The following RPLP1 variants were observed in gnomAD, a reference collection of about 807,000 sequenced individuals.
RPLP1 encodes the protein large ribosomal subunit protein P1.
RPLP1 carries 4 observed loss-of-function variants against 11.6 expected under a neutral mutation model. That is an observed-to-expected ratio of 0.34 (90% CI 0.17 to 0.79). The LOEUF (loss-of-function observed/expected upper bound fraction) is 0.79, where lower values mean the gene tolerates loss of function less well. Among genes scored for constraint, RPLP1 ranks in the 30% least tolerant of loss-of-function variants. The pLI, the probability that RPLP1 is intolerant of heterozygous loss-of-function variation, is 0.55. For synonymous variants in RPLP1, 54 were observed against 52.2 expected (o/e 1.03, Z -0.15); for missense variants, 133 against 142.8 (o/e 0.93, Z 0.35).
chr15:69,453,537 A>G (rs1286955802), intron 1 of RPLP1, 110 bp from the exon 2 acceptor site: 2 of 1,188,454 alleles, frequency 1.7e-6, no homozygotes, highest in Non-Finnish European at 2.5e-6. Context: ...CTTGTGATAG[A>G]ATATTTGAGC....
At position 69,453,003 on chromosome 15, in the gene RPLP1, G is replaced by T; in HGVS notation, c.55G>T (p.Asp19Tyr). The T allele has an allele frequency of 6.4e-7, 1 of 1,574,390 alleles. No homozygotes were observed. The change falls in exon 1 of 4, where the codon GAT (aspartate) becomes TAT (tyrosine). Residue 19 changes from aspartate to tyrosine, a missense_variant. Physicochemically the swap from Asp to Tyr is radical, Grantham distance 160. Coordinates refer to ENST00000260379, the MANE Select transcript of RPLP1 (RefSeq NM_001003.3). ...CTACTCGGCCCTCATTCTGCACGAC[G>T]ATGAGGTGACAGTCACGGTGAGTGC... ...CIYSALILHD[D>Y]EVTVTEDKIN...
Position 69,452,874 on chromosome 15 carries a change from G to T in RPLP1, c.-75G>T. 2.2e-6 allele frequency: 3 copies of T among 1,370,984 alleles called. No individual in the cohort carries two copies. Among genetic ancestry groups the T allele is most frequent in the Non-Finnish European group, 3.0e-6 (3 of 992,174 alleles). 84.9% of individuals were successfully genotyped at this position (1,370,984 alleles called of 1,614,324 possible). A position where few individuals can be genotyped will look rare whatever the true frequency, so the allele number is the denominator to read the frequency against. On this transcript the variant is annotated 5_prime_UTR_variant, in exon 1 of 4. Coordinates refer to ENST00000260379, the MANE Select transcript of RPLP1 (RefSeq NM_001003.3). The stretch of plus-strand genomic sequence containing the variant: ...GTCCTTCCGAGGAAGCTAAGGCTGC[G>T]TTGGGGTGAGGCCCTCACTTCATCC...
chr15:69,455,069 T>A (rs1290744664), intron 2 of RPLP1, 101 bp from the exon 3 acceptor site: 2 of 1,478,254 alleles, frequency 1.4e-6, no homozygotes, highest in Non-Finnish European at 1.8e-6. Context: ...TAGGGGTTGA[T>A]CACTGTAACC....
intron 2 of RPLP1, chr15:69,454,614 A>G (rs1892406899): frequency 6.6e-6 from 1 of 152,190 alleles, no homozygotes; most frequent in Non-Finnish European, 1.5e-5. Context: ...GCCCCTTTTG[A>G]AGTCCTATAT....
intron 1 of RPLP1, 75 bp downstream of exon 1, chr15:69,453,095 C>T (rs1163876204): frequency 7.4e-7 from 1 of 1,360,542 alleles, no homozygotes; most frequent in Admixed American, 2.0e-5. Flanking sequence ...GTTCCCGGCT[C>T]CAGGCCGTTC....
At chr15:69,453,411 C>T (rs1173982527) in intron 1 of RPLP1, 3 of 593,672 alleles carry the variant, frequency 5.1e-6, no homozygotes. Context: ...GAGCTCGGCT[C>T]CACCTCCCAG....
At chr15:69,453,167 C>A (rs376905653) in intron 1 of RPLP1, 147 bp downstream of exon 1, 2 of 749,000 alleles carry the variant, frequency 2.7e-6, no homozygotes, top group African/African-American at 1.7e-5. Context: ...GGGCGCTCCT[C>A]GGGGCTGGGG....
At chr15:69,453,774 C>T (rs370025235) in intron 2 of RPLP1, 53 bp downstream of exon 2, 1 of 1,587,100 alleles carries the variant, frequency 6.3e-7, no homozygotes, top group Non-Finnish European at 8.7e-7. Flanking sequence ...TTTACGAGGG[C>T]AGTTGTACAT....
At chr15:69,455,149 A>G (rs371578731) in intron 2 of RPLP1, 21 bp from the exon 3 acceptor site, 11 of 1,546,156 alleles carry the variant, frequency 7.1e-6, no homozygotes, top group Non-Finnish European at 9.6e-6. Flanking sequence ...GCGTTTACCT[A>G]TGCATGCACA....
chr15:69,455,156 C>T lies in RPLP1; in HGVS notation c.148-14C>T, dbSNP rs765245112. On this transcript the variant is annotated splice_polypyrimidine_tract_variant and intron_variant, in intron 2 of 3. Coordinates refer to ENST00000260379, the MANE Select transcript of RPLP1 (RefSeq NM_001003.3). The stretch of plus-strand genomic sequence containing the variant: ...AGAACTGGGCGTTTACCTATGCATG[C>T]ACATGTATTGCAGGCCCTGGCCAAC... 6.4e-7 allele frequency: 1 copy of T among 1,557,398 alleles called. No individual in the cohort carries two copies. Among genetic ancestry groups the T allele is most frequent in the South Asian group, 1.2e-5 (1 of 81,646 alleles).
rs1892427416 is a variant in RPLP1 at position 69,455,796 on chromosome 15, T to C, written c.*289T>C. On this transcript the variant is annotated 3_prime_UTR_variant, in exon 4 of 4. Coordinates refer to ENST00000260379, the MANE Select transcript of RPLP1 (RefSeq NM_001003.3). ...GTCCAGGTTACCTGTGTAAACTTGA[T>C]GATTATAAGGTGTGTCCCCTACACT... 1 of 398,942 alleles carries C rather than the reference T, an allele frequency of 2.5e-6. No homozygotes were observed. Among genetic ancestry groups the C allele is most frequent in the African/African-American group, 2.0e-5 (1 of 49,642 alleles). The allele number at this position is 398,942 out of a possible 1,614,324, so 24.7% of individuals were successfully genotyped here.
rs1466112874 is a variant in RPLP1 at position 69,455,712 on chromosome 15, T to C, written c.*205T>C. On this transcript the variant is annotated 3_prime_UTR_variant, in exon 4 of 4. Coordinates refer to ENST00000260379, the MANE Select transcript of RPLP1 (RefSeq NM_001003.3). The stretch of plus-strand genomic sequence containing the variant: ...CTGATGCTAACAAGAAGGCACCTCA[T>C]GGTACAGTGTTGAAAACTGCACTGG... 1.7e-6 allele frequency: 1 copy of C among 574,232 alleles called. No individual in the cohort carries two copies. Among genetic ancestry groups the C allele is most frequent in the Non-Finnish European group, 3.1e-6 (1 of 325,654 alleles). 35.6% of individuals were successfully genotyped at this position (574,232 alleles called of 1,614,324 possible).
chr15:69,453,323 GTC>G (rs553656691), intron 1 of RPLP1: 5 of 573,372 alleles, frequency 8.7e-6, no homozygotes, highest in Non-Finnish European at 1.5e-5. Flanking sequence ...CCCGTGCCTC[GTC>G]TCTCTCAGGG....
intron 1 of RPLP1, 85 bp downstream of exon 1, chr15:69,453,105 C>T: frequency 3.2e-6 from 4 of 1,255,462 alleles, no homozygotes; most frequent in Non-Finnish European, 4.5e-6. Context: ...CCAGGCCGTT[C>T]GACTGAGCAC....
intron 1 of RPLP1, 107 bp from the exon 2 acceptor site, chr15:69,453,540 A>C: frequency 9.8e-6 from 12 of 1,223,704 alleles, no homozygotes; most frequent in Non-Finnish European, 1.4e-5. Context: ...GTGATAGAAT[A>C]TTTGAGCTGG....
At chr15:69,453,503 G>A (rs1892385207) in intron 1 of RPLP1, 144 bp from the exon 2 acceptor site, 4 of 856,266 alleles carry the variant, frequency 4.7e-6, no homozygotes, top group Non-Finnish European at 7.5e-6. Context: ...CTCATTGCAG[G>A]GCGCCTGGCA....
intron 2 of RPLP1, chr15:69,454,552 T>G (rs560285203): frequency 6.6e-5 from 10 of 152,332 alleles, no homozygotes; most frequent in African/African-American, 2.4e-4. Flanking sequence ...GGTTGTGACC[T>G]CTAAAGAGTT....
At chr15:69,453,471 G>T in intron 1 of RPLP1, 176 bp from the exon 2 acceptor site, 1 of 680,796 alleles carries the variant, frequency 1.5e-6, no homozygotes, top group East Asian at 2.8e-5. Flanking sequence ...CCCAGCCCGT[G>T]AAACAGCAGT....
chr15:69,455,216 C>A lies in RPLP1; in HGVS notation c.194C>A (p.Ala65Asp). 1 of 1,607,066 alleles carries A rather than the reference C, an allele frequency of 6.2e-7. No homozygotes were observed. The highest frequency in any genetic ancestry group is 8.5e-7 in the Non-Finnish European group (1 of 1,177,012). The change falls in exon 3 of 4, where the codon GCC becomes GAC. Residue 65 changes from alanine to aspartate, a missense_variant. Physicochemically the swap from Ala to Asp is moderately radical, Grantham distance 126. Transcript: ENST00000260379. ...GGGAGCCTCATCTGCAATGTAGGGG[C>A]CGGTGGACCTGCTCCAGCAGCTGGT... ...NIGSLICNVG[A>D]GGPAPAAGAA...
Sources: allele counts gnomAD v4.1 joint callset, GRCh38; gene constraint gnomAD v4.1.1; transcripts MANE v1.5; gene names NCBI Gene and HGNC (gene_info 2026-07-23, HGNC 2026-07-21).